The following SGCZ variants were observed in gnomAD, a reference collection of about 807,000 sequenced individuals.
The protein encoded by SGCZ is sarcoglycan zeta.
A neutral mutation model predicts 41.3 loss-of-function variants in SGCZ; 40 were observed. The ratio of observed to expected loss-of-function variants is 0.97; its 90% CI spans 0.75 to 1.26. The LOEUF (loss-of-function observed/expected upper bound fraction) is 1.26, where lower values mean the gene tolerates loss of function less well. SGCZ is among the 50% of genes most tolerant of loss of function. The probability of loss-of-function intolerance (pLI) is 0.00; values close to 1 mark genes in which losing one functional copy is unlikely to be tolerated. For missense variants in SGCZ, 552 were observed against 369.8 expected (o/e 1.49, Z -4.04); for synonymous variants, 206 against 137.5 (o/e 1.50, Z -3.49).
chr8:15,112,530 C>T (rs1257131778), intron 1 of SGCZ, among the ~76,000 whole-genome samples: 2 of 152,210 alleles, frequency 1.3e-5, no homozygotes, highest in African/African-American at 4.8e-5. Flanking sequence ...TGAATCTGAA[C>T]TCTAGGAATG....
chr8:14,417,778 G>C (rs1357787495), intron 2 of SGCZ, among the ~76,000 whole-genome samples: 1 of 142,242 alleles, frequency 7.0e-6, no homozygotes, highest in African/African-American at 2.5e-5. Flanking sequence ...TAATTAATTT[G>C]ATTATGGTAA....
At position 14,229,898 on chromosome 8, in the gene SGCZ, C is replaced by T. The variant is rs529525983; in HGVS notation, c.424+7694G>A. Among the ~76,000 whole-genome samples, 104 of 152,158 alleles carry T rather than the reference C, an allele frequency of 6.8e-4. 2 individuals carry two copies. In the South Asian group the frequency reaches 0.02, roughly 29 times the overall value. ...AAAACATGTTTATGCTTAGCACTAA[C>T]AAAAATAAGCCGATTGGACTTAAAC... On this transcript the variant is annotated intron_variant, in intron 4 of 7. Coordinates refer to ENST00000382080, the MANE Select transcript of SGCZ (RefSeq NM_139167.4).
chr8:14,442,916 G>A (rs576886251), intron 2 of SGCZ, among the ~76,000 whole-genome samples: 62 of 152,142 alleles, frequency 4.1e-4, no homozygotes, highest in Middle Eastern at 3.4e-3. Context: ...AAACCCCATC[G>A]TCTCAGCCCA....
At chr8:14,273,751 T>C (rs1055321021) in intron 3 of SGCZ, among the ~76,000 whole-genome samples, 1 of 152,090 alleles carries the variant, frequency 6.6e-6, no homozygotes, top group Non-Finnish European at 1.5e-5. Flanking sequence ...CAATATCCAA[T>C]GCAGCCTAGA....
At chr8:15,108,572 T>A (rs1806924429) in intron 1 of SGCZ, among the ~76,000 whole-genome samples, 1 of 152,196 alleles carries the variant, frequency 6.6e-6, no homozygotes, top group Non-Finnish European at 1.5e-5. Context: ...TTCAATACAT[T>A]TGATTCATAA....
At chr8:14,782,310 G>T (rs545284803) in intron 1 of SGCZ, among the ~76,000 whole-genome samples, 1 of 152,154 alleles carries the variant, frequency 6.6e-6, no homozygotes, top group Non-Finnish European at 1.5e-5. Context: ...AGTGTACTTT[G>T]TGTGCAGTAA....
At chr8:14,241,076 G>A (rs1446742143) in intron 3 of SGCZ, among the ~76,000 whole-genome samples, 1 of 152,054 alleles carries the variant, frequency 6.6e-6, no homozygotes, top group Non-Finnish European at 1.5e-5. Context: ...TGCTCCTTAA[G>A]TTTTATGTCT....
intron 1 of SGCZ, among the ~76,000 whole-genome samples, chr8:14,995,383 G>A (rs1802179183): frequency 6.6e-6 from 1 of 152,306 alleles, no homozygotes; most frequent in African/African-American, 2.4e-5. Flanking sequence ...TGGTTGGTTA[G>A]GTCTTGGGAG....
chr8:14,195,970 G>T (rs1433822783), intron 4 of SGCZ, among the ~76,000 whole-genome samples: 1 of 151,880 alleles, frequency 6.6e-6, no homozygotes, highest in Admixed American at 6.6e-5. Flanking sequence ...AGAAATAAAG[G>T]GTAGTGACCA....
chr8:14,683,942 T>C (rs1808526317), intron 1 of SGCZ, among the ~76,000 whole-genome samples: 1 of 152,170 alleles, frequency 6.6e-6, no homozygotes. Flanking sequence ...CATTTTAAAA[T>C]ATCTAAAATC....
At chr8:14,891,812 C>T (rs1469822076) in intron 1 of SGCZ, among the ~76,000 whole-genome samples, 1 of 152,180 alleles carries the variant, frequency 6.6e-6, no homozygotes, top group Non-Finnish European at 1.5e-5. Flanking sequence ...CTTTAGCAAC[C>T]ATCACCCTCA....
chr8:14,112,839 C>T (rs1802415307), intron 5 of SGCZ, among the ~76,000 whole-genome samples: 1 of 151,848 alleles, frequency 6.6e-6, no homozygotes, highest in Non-Finnish European at 1.5e-5. Context: ...TCTCATTCCT[C>T]CTTAAATACT....
At chr8:14,515,591 T>C (rs531229519) in intron 2 of SGCZ, among the ~76,000 whole-genome samples, 2 of 152,268 alleles carry the variant, frequency 1.3e-5, no homozygotes, top group South Asian at 2.1e-4. Flanking sequence ...TTTATAACTA[T>C]TTGAAATGTA....
Position 14,930,251 on chromosome 8 carries a change from T to C in SGCZ, c.39+307334A>G, listed in dbSNP as rs892080520. ...CATATGAAAAAAAGCTCATCAGGAATTGTCTAGAGAAATGCAAATCAAAAC... is the reference window on the plus strand; with the variant it reads ...CATATGAAAAAAAGCTCATCAGGAACTGTCTAGAGAAATGCAAATCAAAAC... On this transcript the variant is annotated intron_variant, in intron 1 of 7. Coordinates refer to ENST00000382080, the MANE Select transcript of SGCZ (RefSeq NM_139167.4). Among the ~76,000 whole-genome samples the C allele has an allele frequency of 5.3e-5, 8 of 151,902 alleles. 1 individual carries two copies. The highest frequency in any genetic ancestry group is 1.9e-4 in the African/African-American group (8 of 41,234).
chr8:14,976,967 G>C (rs1801498719), intron 1 of SGCZ, among the ~76,000 whole-genome samples: 1 of 152,212 alleles, frequency 6.6e-6, no homozygotes, highest in African/African-American at 2.4e-5. Flanking sequence ...GTTTTCTGCA[G>C]TTTCACTTTC....
At position 14,117,407 on chromosome 8, in the gene SGCZ, TCTGTG is replaced by T. The variant is rs1359871919; in HGVS notation, c.548-9177_548-9173del. On this transcript the variant is annotated intron_variant, in intron 5 of 7. Coordinates refer to ENST00000382080, the MANE Select transcript of SGCZ (RefSeq NM_139167.4). ...AAATTGTGACACTGAGATGCACACA[TCTGTG>T]TGTGTGTGTGTGTGTGTGTGTGTGT... is the stretch of plus-strand genomic sequence containing the variant. 8.2e-4 allele frequency among the ~76,000 whole-genome samples: 79 copies of T among 96,930 alleles called. 1 individual carries two copies. The highest frequency in any genetic ancestry group is 5.4e-3 in the Middle Eastern group (1 of 186). The allele number at this position is 96,930 out of a possible 152,430, so 63.6% of individuals were successfully genotyped here.
At chr8:15,199,914 C>G (rs560181556) in intron 1 of SGCZ, among the ~76,000 whole-genome samples, 65 of 152,254 alleles carry the variant, frequency 4.3e-4, no homozygotes, top group African/African-American at 1.4e-3. Context: ...CTCACAACAT[C>G]ATGAAAATGT....
At chr8:14,796,755 T>C (rs953850204) in intron 1 of SGCZ, among the ~76,000 whole-genome samples, 2 of 152,242 alleles carry the variant, frequency 1.3e-5, no homozygotes, top group Non-Finnish European at 2.9e-5. Context: ...TCATCTCAAA[T>C]TGCAGTTCCT....
intron 1 of SGCZ, among the ~76,000 whole-genome samples, chr8:14,987,374 A>G (rs1440883276): frequency 1.3e-5 from 2 of 152,000 alleles, no homozygotes; most frequent in Non-Finnish European, 2.9e-5. Flanking sequence ...TACAGACAGG[A>G]AAATAATAGG....
Sources: gnomAD v4.1 joint callset for allele counts (sites outside exome capture counted in the v4.1 genomes callset) on GRCh38, gnomAD v4.1.1 for gene constraint, MANE v1.5 for transcripts, NCBI Gene and HGNC (gene_info 2026-07-23, HGNC 2026-07-21) for gene names.